WDR19: variants seen among roughly 807,000 people sequenced by gnomAD.
WDR19 encodes WD repeat domain 19.
WDR19 carries 121 observed loss-of-function variants against 180.0 expected under a neutral mutation model. The ratio of observed to expected loss-of-function variants is 0.67; its 90% CI spans 0.58 to 0.78. The LOEUF (loss-of-function observed/expected upper bound fraction) is 0.78, where lower values mean the gene tolerates loss of function less well. Among genes scored for constraint, WDR19 ranks in the 30% least tolerant of loss-of-function variants. WDR19 has a pLI of 0.00. For synonymous variants in WDR19, 497 were observed against 540.7 expected, an observed-to-expected ratio of 0.92 and a Z score of 1.12; for missense variants, 1,450 against 1,640.7, an observed-to-expected ratio of 0.88 and a Z score of 2.01.
intron 24 of WDR19, among the ~76,000 whole-genome samples, chr4:39,250,003 G>A (rs189727280): frequency 0.63 from 95,627 of 151,562 alleles, 30,629 homozygotes; most frequent in East Asian, 0.82. Flanking sequence ...TATGAGGCCA[G>A]CATCATCCTG....
At chr4:39,189,859 C>CT in intron 4 of WDR19, 78 bp downstream of exon 4, 1 of 1,431,598 alleles carries the variant, frequency 7.0e-7, no homozygotes, top group Non-Finnish European at 9.3e-7. Flanking sequence ...CAATTCTTTA[C>CT]TACTTTCATT....
chr4:39,282,663 G>A (rs1244890992), intron 36 of WDR19, among the ~76,000 whole-genome samples: 1 of 152,158 alleles, frequency 6.6e-6, no homozygotes, highest in African/African-American at 2.4e-5. Flanking sequence ...CTCCCAAAGT[G>A]CTGGGATTAC....
At chr4:39,186,852 A>G (rs1560471254) in intron 3 of WDR19, among the ~76,000 whole-genome samples, 1 of 152,248 alleles carries the variant, frequency 6.6e-6, no homozygotes, top group African/African-American at 2.4e-5. Context: ...ACCGTGTGAA[A>G]GAATTAGAGT....
chr4:39,236,884 C>T (rs1449357441), intron 20 of WDR19, among the ~76,000 whole-genome samples: 2 of 152,188 alleles, frequency 1.3e-5, no homozygotes, highest in Non-Finnish European at 2.9e-5. Flanking sequence ...ACAGACTATA[C>T]ATTTTTATTG....
intron 33 of WDR19, among the ~76,000 whole-genome samples, chr4:39,275,900 C>A (rs1346858474): frequency 6.6e-6 from 1 of 152,180 alleles, no homozygotes; most frequent in African/African-American, 2.4e-5. Context: ...TCCTGTGCAG[C>A]CCCAAAAGCC....
intron 24 of WDR19, among the ~76,000 whole-genome samples, chr4:39,251,338 T>A (rs1021659807): frequency 2.0e-5 from 3 of 152,202 alleles, no homozygotes; most frequent in African/African-American, 7.2e-5. Context: ...CCCTTCCCCT[T>A]ACACCTTATA....
intron 28 of WDR19, among the ~76,000 whole-genome samples, chr4:39,257,884 G>C (rs766783334): frequency 6.6e-6 from 1 of 151,822 alleles, no homozygotes; most frequent in Non-Finnish European, 1.5e-5. Context: ...TGTACAACTC[G>C]ATTAGTTTTT....
intron 17 of WDR19, among the ~76,000 whole-genome samples, chr4:39,230,616 C>T (rs1730742274): frequency 6.6e-6 from 1 of 152,188 alleles, no homozygotes; most frequent in African/African-American, 2.4e-5. Context: ...TGTAAGTACT[C>T]AGTTACCTCT....
At chr4:39,274,982 C>G (rs752215221) in intron 33 of WDR19, 24 bp downstream of exon 33, 1 of 1,602,242 alleles carries the variant, frequency 6.2e-7, no homozygotes, top group Non-Finnish European at 8.5e-7. Context: ...GCTATTTCTG[C>G]TATCTAATCG....
chr4:39,272,095 A>G (rs1173683173), intron 31 of WDR19, among the ~76,000 whole-genome samples: 1 of 152,206 alleles, frequency 6.6e-6, no homozygotes, highest in East Asian at 1.9e-4. Flanking sequence ...TCCTTCTTCC[A>G]TAAAGAAGGG....
At chr4:39,235,578 TC>T (rs1731294110) in intron 20 of WDR19, among the ~76,000 whole-genome samples, 1 of 152,210 alleles carries the variant, frequency 6.6e-6, no homozygotes, top group Non-Finnish European at 1.5e-5. Flanking sequence ...CACCAAGGTT[TC>T]ATCTACATTT....
At chr4:39,265,977 C>G in intron 28 of WDR19, 86 bp from the exon 29 acceptor site, 2 of 1,130,418 alleles carry the variant, frequency 1.8e-6, no homozygotes, top group Non-Finnish European at 2.6e-6. Flanking sequence ...TTTATTCCAT[C>G]TCCCTAAGCA....
rs1728887485 is a variant in WDR19, at chr4:39,214,759, T to C, written c.961+88T>C. On this transcript the variant is annotated intron_variant, in intron 10 of 36. Coordinates refer to ENST00000399820, the MANE Select transcript of WDR19 (RefSeq NM_025132.4). ...TTTGTTATCGTGTGATTTGCATTCG[T>C]TGTAGGAGGAATAATTTTTTTTTTT... 8 of 844,000 alleles carry C rather than the reference T, an allele frequency of 9.5e-6. No homozygotes were observed. Among genetic ancestry groups the C allele is most frequent in the Admixed American group, 5.2e-5 (2 of 38,196 alleles). 52.3% of individuals were successfully genotyped at this position (844,000 alleles called of 1,614,324 possible). A position where few individuals can be genotyped will look rare whatever the true frequency, so the allele number is the denominator to read the frequency against.
At chr4:39,282,546 C>T (rs915429753) in intron 36 of WDR19, among the ~76,000 whole-genome samples, 18 of 152,118 alleles carry the variant, frequency 1.2e-4, no homozygotes, top group East Asian at 3.9e-4. Flanking sequence ...TACAGGCGCC[C>T]GCCACCACGT....
chr4:39,270,707 TA>T (rs775736196), intron 31 of WDR19, among the ~76,000 whole-genome samples: 2 of 152,164 alleles, frequency 1.3e-5, no homozygotes, highest in Non-Finnish European at 2.9e-5. Flanking sequence ...TTGAAACATG[TA>T]AATGTATTGC....
Position 39,205,194 on chromosome 4 carries a change from A to C in WDR19, c.644A>C (p.Asn215Thr). Residue 215 changes from asparagine (N) to threonine (T), a missense_variant, in exon 8 of 37, where the codon AAT (asparagine) becomes ACT (threonine). Transcript: ENST00000399820. ...VLGKKTLFFL[N>T]LNEPDNPADL... ...GGCAAGAAAACTTTGTTTTTTTTAA[A>C]TCTGAATGAACCAGATAACCCAGCT... 1.2e-6 allele frequency: 2 copies of C among 1,600,404 alleles called. No individual in the cohort carries two copies. The highest frequency in any genetic ancestry group is 1.7e-6 in the Non-Finnish European group (2 of 1,172,970).
rs183966549 is a variant in WDR19, at chr4:39,282,179, C to A, written c.*14-3308C>A. 1.7e-3 allele frequency among the ~76,000 whole-genome samples: 260 copies of A among 152,172 alleles called. 1 individual carries two copies. The highest frequency in any genetic ancestry group is 6.0e-3 in the African/African-American group (250 of 41,522). ...GTTATTATCACATCATATCACAAGC[C>A]CTGCCCACACTCAAGAGGAAGGTAT... is the stretch of plus-strand genomic sequence containing the variant. On this transcript the variant is annotated intron_variant, in intron 36 of 36. Coordinates refer to ENST00000399820, the MANE Select transcript of WDR19 (RefSeq NM_025132.4).
intron 4 of WDR19, among the ~76,000 whole-genome samples, chr4:39,190,315 C>G (rs1177845349): frequency 1.3e-5 from 2 of 152,110 alleles, no homozygotes; most frequent in Non-Finnish European, 2.9e-5. Flanking sequence ...GTACTCCCAC[C>G]AAGTGAAAGG....
chr4:39,232,758 A>G (rs1440404205), intron 19 of WDR19, among the ~76,000 whole-genome samples: 1 of 152,084 alleles, frequency 6.6e-6, no homozygotes, highest in African/African-American at 2.4e-5. Flanking sequence ...CCCCTTCTAT[A>G]TAATTAAAAT....
Sources: allele counts gnomAD v4.1 joint callset (sites outside exome capture counted in the v4.1 genomes callset), GRCh38; gene constraint gnomAD v4.1.1; transcripts MANE v1.5; gene names NCBI Gene and HGNC (gene_info 2026-07-23, HGNC 2026-07-21).